The following LDLRAD4 variants were observed in gnomAD, a reference collection of about 807,000 sequenced individuals.
LDLRAD4 encodes the protein low-density lipoprotein receptor class A domain-containing protein 4.
Under a neutral mutation model 17.0 loss-of-function variants are expected in LDLRAD4, and 5 were observed. The observed-to-expected ratio is 0.29, with a 90% CI of 0.15 to 0.62. The LOEUF (loss-of-function observed/expected upper bound fraction) is 0.62. Among genes scored for constraint, LDLRAD4 ranks in the 20% least tolerant of loss-of-function variants. The probability of loss-of-function intolerance (pLI) is 0.84; values close to 1 mark genes in which losing one functional copy is unlikely to be tolerated. For synonymous variants in LDLRAD4, 168 were observed against 171.8 expected (o/e 0.98, Z 0.17); for missense variants, 340 against 424.7 (o/e 0.80, Z 1.75).
chr18:13,643,242 C>G, intron 4 of LDLRAD4, 117 bp from the exon 6 acceptor site: 1 of 655,988 alleles, frequency 1.5e-6, no homozygotes, highest in Non-Finnish European at 2.5e-6. Context: ...CCTCGCTCCA[C>G]GTTTTATGCA....
intron 3 of LDLRAD4, among the ~76,000 whole-genome samples, chr18:13,447,249 C>T (rs1014203615): frequency 9.2e-5 from 14 of 152,096 alleles, no homozygotes; most frequent in African/African-American, 1.7e-4. Flanking sequence ...GGGTTCGCCA[C>T]GGGATCAAGT....
chr18:13,293,837 A>G (rs1427628874), intron 1 of LDLRAD4, among the ~76,000 whole-genome samples: 1 of 152,196 alleles, frequency 6.6e-6, no homozygotes, highest in Non-Finnish European at 1.5e-5. Flanking sequence ...TAAACTTTCT[A>G]AAAATGCGGC....
chr18:13,640,025 G>A (rs1012838044), intron 4 of LDLRAD4, among the ~76,000 whole-genome samples: 1 of 152,154 alleles, frequency 6.6e-6, no homozygotes, highest in Non-Finnish European at 1.5e-5. Context: ...GGTGGCTCAC[G>A]CCTGTAATCC....
chr18:13,354,572 A>G (rs11875864), intron 1 of LDLRAD4, among the ~76,000 whole-genome samples: 53 of 152,328 alleles, frequency 3.5e-4, no homozygotes, highest in African/African-American at 1.2e-3. Context: ...TTACTGCTCC[A>G]TGAAACCAAA....
intron 1 of LDLRAD4, chr18:13,366,253 G>T (rs9957621): frequency 0.31 from 47,603 of 151,988 alleles, 7,561 homozygotes; most frequent in South Asian, 0.38. Flanking sequence ...TATTTGAAAT[G>T]CAAAGTAAAT....
At chr18:13,615,734 A>G (rs995078769) in intron 3 of LDLRAD4, 2 of 152,250 alleles carry the variant, frequency 1.3e-5, no homozygotes, top group East Asian at 3.9e-4. Context: ...TAGATGTATT[A>G]AAAAGTATCC....
intron 1 of LDLRAD4, among the ~76,000 whole-genome samples, chr18:13,327,926 A>T (rs562258347): frequency 1.3e-5 from 2 of 152,242 alleles, no homozygotes; most frequent in Admixed American, 6.5e-5. Context: ...AGCCAAATGA[A>T]TGGACCCCCT....
chr18:13,270,456 A>C (rs1242746909), intron 1 of LDLRAD4, among the ~76,000 whole-genome samples: 1 of 152,244 alleles, frequency 6.6e-6, no homozygotes, highest in Admixed American at 6.5e-5. Context: ...GAGAGGGCAA[A>C]GTATGCTCGT....
chr18:13,638,134 G>A (rs921455881), intron 4 of LDLRAD4, among the ~76,000 whole-genome samples: 3 of 152,072 alleles, frequency 2.0e-5, no homozygotes, highest in Admixed American at 6.5e-5. Context: ...AGCTGAGCTC[G>A]GTGGCACACA....
intron 3 of LDLRAD4, among the ~76,000 whole-genome samples, chr18:13,594,576 G>T (rs1172511164): frequency 6.9e-6 from 1 of 145,016 alleles, no homozygotes; most frequent in African/African-American, 2.5e-5. Flanking sequence ...TGAGGCACAA[G>T]AGTCGCTTGA....
At chr18:13,641,968 AGCC>A in intron 4 of LDLRAD4, 1 of 985,352 alleles carries the variant, frequency 1.0e-6, no homozygotes, top group Non-Finnish European at 1.2e-6. Context: ...CTGCGGGCCC[AGCC>A]TGGGCCCTGG....
chr18:13,412,562 A>G (rs758383616), intron 2 of LDLRAD4, among the ~76,000 whole-genome samples: 6 of 152,188 alleles, frequency 3.9e-5, no homozygotes, highest in Admixed American at 6.5e-5. Context: ...GACTAGGTAC[A>G]TGAGGAACTA....
chr18:13,278,419 T>G (rs2045029089), intron 1 of LDLRAD4: 2 of 152,180 alleles, frequency 1.3e-5, no homozygotes, highest in Admixed American at 1.3e-4. Context: ...CCAGCCCTGG[T>G]GGGGGACAGT....
At position 13,232,620 on chromosome 18, in the gene LDLRAD4, C is replaced by A. The variant is rs186889787; in HGVS notation, c.-467+13632C>A. Reference sequence around the variant, plus strand: ...TCTATGTCACCTCGTGCTGCCGCATCCCTTCCCCAGCTCAGCTATTCACTG... The same window carrying A: ...TCTATGTCACCTCGTGCTGCCGCATACCTTCCCCAGCTCAGCTATTCACTG... On this transcript the variant is annotated intron_variant, in intron 1 of 5. Transcript: ENST00000399848. Among the ~76,000 whole-genome samples the A allele has an allele frequency of 1.1e-3, 168 of 152,308 alleles. 1 individual carries two copies. The highest frequency in any genetic ancestry group is 7.3e-3 in the Admixed American group (111 of 15,300).
chr18:13,327,614 G>T (rs1248145093), intron 1 of LDLRAD4, among the ~76,000 whole-genome samples: 2 of 152,024 alleles, frequency 1.3e-5, no homozygotes, highest in East Asian at 3.9e-4. Context: ...GGTGTTAAAT[G>T]GAAGTGGTAC....
intron 1 of LDLRAD4, among the ~76,000 whole-genome samples, chr18:13,231,228 G>C (rs1342060828): frequency 6.6e-6 from 1 of 152,198 alleles, no homozygotes; most frequent in Non-Finnish European, 1.5e-5. Flanking sequence ...GGAGGGAGAA[G>C]GGCAAGAGGG....
At position 13,622,894 on chromosome 18, in the gene LDLRAD4, G is replaced by A. The variant is rs1020176081; in HGVS notation, c.336+1623G>A. Reference sequence around the variant, plus strand: ...GCCTTCTCTCCAGGAGCTCCAGAACGCTTGGGGTCTCTGTGCGCAGGCACA... The same window carrying A: ...GCCTTCTCTCCAGGAGCTCCAGAACACTTGGGGTCTCTGTGCGCAGGCACA... On this transcript the variant is annotated intron_variant, in intron 4 of 5. Coordinates refer to ENST00000359446, the Ensembl canonical transcript of LDLRAD4. This position sits in a 1 kb window ranked among gnomAD's most constrained non-coding sequence, Gnocchi z 5.3. Among the ~76,000 whole-genome samples the A allele has an allele frequency of 4.6e-5, 7 of 152,192 alleles. No individual in the cohort carries two copies. Among genetic ancestry groups the A allele is most frequent in the African/African-American group, 1.4e-4 (6 of 41,448 alleles).
At chr18:13,370,827 C>T (rs1160385722) in intron 1 of LDLRAD4, among the ~76,000 whole-genome samples, 1 of 151,160 alleles carries the variant, frequency 6.6e-6, no homozygotes, top group Non-Finnish European at 1.5e-5. Flanking sequence ...TCTCCTGCCT[C>T]AGCCTCTGGA....
intron 3 of LDLRAD4, among the ~76,000 whole-genome samples, chr18:13,498,905 TCTC>T (rs2093547742): frequency 1.3e-5 from 2 of 150,246 alleles, no homozygotes; most frequent in African/African-American, 4.9e-5. Context: ...GGAGAATCCT[TCTC>T]GCCACACACG....
Sources: allele counts gnomAD v4.1 joint callset (sites outside exome capture counted in the v4.1 genomes callset), GRCh38; gene constraint gnomAD v4.1.1; non-coding constraint Gnocchi (gnomAD v3.1); transcripts MANE v1.5; gene names NCBI Gene and HGNC (gene_info 2026-07-23, HGNC 2026-07-21).